TRPM4: variants seen among roughly 807,000 people sequenced by gnomAD.
TRPM4 encodes the protein calcium-activated non-selective cation channel 1.
In TRPM4, 124 loss-of-function variants were observed where a neutral mutation model predicts 135.6. That is an observed-to-expected ratio of 0.91 (90% CI 0.79 to 1.06). The LOEUF (loss-of-function observed/expected upper bound fraction) is 1.06. TRPM4 is among the 50% of genes least tolerant of loss of function. The pLI is 0.00. For missense variants in TRPM4, 1,658 were observed against 1,671.4 expected (o/e 0.99, Z 0.14); for synonymous variants, 745 against 705.6 (o/e 1.06, Z -0.88).
chr19:49,175,944 TAA>T (rs1295548643), intron 9 of TRPM4, among the ~76,000 whole-genome samples: 1 of 91,170 alleles, frequency 1.1e-5, no homozygotes, highest in Admixed American at 1.1e-4. Flanking sequence ...TTTTTTTTTT[TAA>T]AGAGTCTTTG....
chr19:49,200,659 G>T lies in TRPM4; in HGVS notation c.2827G>T (p.Ala943Ser). 1 of 1,613,980 alleles carries T rather than the reference G, an allele frequency of 6.2e-7. No individual in the cohort carries two copies. The highest frequency in any genetic ancestry group is 8.5e-7 in the Non-Finnish European group (1 of 1,180,040). The change falls in exon 19 of 25, where the codon GCC becomes TCC. Residue 943 changes from alanine to serine, a missense_variant. Around this residue, in one of 3 missense-constraint regions of TRPM4, gnomAD observed 1,412 missense variants for 1,408.7 expected, o/e 1.00. Coordinates refer to ENST00000252826, the MANE Select transcript of TRPM4 (RefSeq NM_017636.4). Reference protein sequence around the residue: ...FLFFLGVWLVAYGVATEGLLR... With the variant: ...FLFFLGVWLVSYGVATEGLLR... Reference sequence around the variant, plus strand: ...CTTCTTCCTCGGCGTGTGGCTGGTAGCCTATGGCGTGGCCACGGAGGGGCT... The same window carrying T: ...CTTCTTCCTCGGCGTGTGGCTGGTATCCTATGGCGTGGCCACGGAGGGGCT...
In TRPM4 at chr19:49,200,659, GCCTATGGCGTGGCCA is replaced by G. The variant is rs1033425160; in HGVS notation, c.2829_2843del (p.Tyr944_Thr948del). On this transcript the variant is annotated inframe_deletion, in exon 19 of 25. Coordinates refer to ENST00000252826, the MANE Select transcript of TRPM4 (RefSeq NM_017636.4). ...CTTCTTCCTCGGCGTGTGGCTGGTA[GCCTATGGCGTGGCCA>G]CGGAGGGGCTCCTGAGGCCACGGGA... The G allele has an allele frequency of 4.3e-6, 7 of 1,613,862 alleles. No homozygotes were observed. In the African/African-American group the frequency reaches 9.3e-5, roughly 22 times the overall value.
chr19:49,183,428 G>A (rs919596446), intron 12 of TRPM4, among the ~76,000 whole-genome samples: 2 of 152,092 alleles, frequency 1.3e-5, no homozygotes, highest in Admixed American at 1.3e-4. Flanking sequence ...ACAGAGTCTC[G>A]CTCTGTCGCC....
intron 12 of TRPM4, among the ~76,000 whole-genome samples, chr19:49,185,820 G>A (rs763862732): frequency 4.0e-5 from 6 of 151,288 alleles, no homozygotes; most frequent in Non-Finnish European, 7.4e-5. Context: ...GTGCAATCTC[G>A]GCTCACTGCA....
Position 49,188,642 on chromosome 19 carries a change from G to GAC in TRPM4, c.1745_1746insAC (p.Ser583LeufsTer17). 1.2e-6 allele frequency: 2 copies of GAC among 1,614,144 alleles called. No homozygotes were observed. The highest frequency in any genetic ancestry group is 2.7e-5 in the African/African-American group (2 of 75,026). ...TCCGTGCCCTCTTTGTCTCTCCAGG[G>GAC]TTCCAATGCAGTTTCCTCAGCTCTT... On this transcript the variant is annotated frameshift_variant and splice_region_variant, in exon 13 of 25. Transcript: ENST00000252826. LOFTEE classifies it high-confidence loss of function.
chr19:49,192,567 C>G (rs1175799), intron 16 of TRPM4, among the ~76,000 whole-genome samples: 1 of 152,116 alleles, frequency 6.6e-6, no homozygotes, highest in African/African-American at 2.4e-5. Context: ...CCATAACAAA[C>G]TAACAGGAAC....
chr19:49,172,974 A>G (rs1294425042), intron 9 of TRPM4, among the ~76,000 whole-genome samples: 1 of 146,556 alleles, frequency 6.8e-6, no homozygotes, highest in African/African-American at 2.6e-5. Flanking sequence ...TGTTCCATCC[A>G]TCCATCTTCT....
At chr19:49,202,770 T>C (rs1322226380) in intron 20 of TRPM4, among the ~76,000 whole-genome samples, 1 of 152,162 alleles carries the variant, frequency 6.6e-6, no homozygotes, top group Non-Finnish European at 1.5e-5. Context: ...CCTCAAGTGA[T>C]TGGCCCACCT....
intron 10 of TRPM4, among the ~76,000 whole-genome samples, chr19:49,182,190 A>G (rs1185024219): frequency 2.8e-5 from 4 of 141,592 alleles, no homozygotes; most frequent in African/African-American, 1.1e-4. Context: ...CCATTCATCC[A>G]TACATCCATC....
chr19:49,211,484 C>G lies in TRPM4; in HGVS notation c.3641-10C>G. The G allele has an allele frequency of 6.2e-7, 1 of 1,614,068 alleles. No individual in the cohort carries two copies. Among genetic ancestry groups the G allele is most frequent in the South Asian group, 1.1e-5 (1 of 91,088 alleles). ...CAATCACCTGCTCTCTCTTTTCTCT[C>G]TTCCCCCAGACTGAGCCCTGCTGGC... On this transcript the variant is annotated splice_polypyrimidine_tract_variant and intron_variant, in intron 24 of 24. Transcript: ENST00000252826. This position sits in a 1 kb window ranked among gnomAD's most constrained non-coding sequence, Gnocchi z 4.8.
chr19:49,164,904 AT>A (rs548741187), intron 2 of TRPM4, among the ~76,000 whole-genome samples: 1,744 of 150,308 alleles, frequency 0.012, 45 homozygotes, highest in Admixed American at 0.054. Flanking sequence ...ATTTTATTTT[AT>A]TTTATTTATT....
chr19:49,165,933 G>C, intron 2 of TRPM4, 108 bp from the exon 3 acceptor site: 1 of 1,155,248 alleles, frequency 8.7e-7, no homozygotes, highest in South Asian at 1.4e-5. Flanking sequence ...TGCCTCTGTG[G>C]GTGTGGACTC....
chr19:49,176,121 G>T (rs941261471), intron 9 of TRPM4, among the ~76,000 whole-genome samples: 1 of 145,934 alleles, frequency 6.9e-6, no homozygotes, highest in Admixed American at 7.0e-5. Flanking sequence ...ACAGGGTTTC[G>T]CCATGTTGGC....
Position 49,210,148 on chromosome 19 carries a change from T to G in TRPM4, c.3132-61T>G. 1 of 1,554,492 alleles carries G rather than the reference T, an allele frequency of 6.4e-7. No homozygotes were observed. The highest frequency in any genetic ancestry group is 8.9e-7 in the Non-Finnish European group (1 of 1,125,632). On this transcript the variant is annotated intron_variant, in intron 20 of 24. Coordinates refer to ENST00000252826, the MANE Select transcript of TRPM4 (RefSeq NM_017636.4). The surrounding 1 kb of genome is among the most constrained non-coding windows in gnomAD (Gnocchi z 4.1). ...AACAATTATTGCCTGGCATCTAACC[T>G]TCGTCCTTGCCCCTGGCTGGGCCCT...
At chr19:49,183,769 C>G (rs923784107) in intron 12 of TRPM4, among the ~76,000 whole-genome samples, 5 of 109,034 alleles carry the variant, frequency 4.6e-5, no homozygotes, top group Admixed American at 8.9e-5. Flanking sequence ...ATTTCTTTTT[C>G]TTTTTCTTTT....
At chr19:49,182,343 T>G (rs1161552505) in intron 10 of TRPM4, among the ~76,000 whole-genome samples, 2 of 148,226 alleles carry the variant, frequency 1.3e-5, no homozygotes, top group African/African-American at 5.2e-5. Flanking sequence ...TGTCCATCCA[T>G]CCATCCCTCT....
At chr19:49,208,119 C>T (rs113596700) in intron 20 of TRPM4, among the ~76,000 whole-genome samples, 1,730 of 137,010 alleles carry the variant, frequency 0.013, 36 homozygotes, top group Middle Eastern at 0.083. Flanking sequence ...AGATCAAAGA[C>T]TTTAATACTT....
At chr19:49,175,067 C>CTTTTTTTTTTTTTTTTTTTTTTTTT (rs772062913) in intron 9 of TRPM4, among the ~76,000 whole-genome samples, 9 of 77,582 alleles carry the variant, frequency 1.2e-4, no homozygotes, top group East Asian at 4.2e-4. Flanking sequence ...TCATGCCTGG[C>CTTTTTTTTTTTTTTTTTTTTTTTTT]TTTTTTTTTT....
chr19:49,200,537 G>T lies in TRPM4; in HGVS notation c.2779-74G>T. On this transcript the variant is annotated intron_variant, in intron 18 of 24. Transcript: ENST00000252826. ...GGGCGTGACTTTGGGGAGCAATGGG[G>T]CGTGTTTTTGGGATATAGGGGTGGG... is the stretch of plus-strand genomic sequence containing the variant. 3 of 1,596,802 alleles carry T rather than the reference G, an allele frequency of 1.9e-6. No homozygotes were observed. The South Asian group carries it at 3.3e-5, about 18-fold the overall frequency.
Sources: allele counts gnomAD v4.1 joint callset (sites outside exome capture counted in the v4.1 genomes callset), GRCh38; gene constraint gnomAD v4.1.1; regional missense constraint gnomAD v4.1.1; non-coding constraint Gnocchi (gnomAD v3.1); transcripts MANE v1.5; gene names NCBI Gene and HGNC (gene_info 2026-07-23, HGNC 2026-07-21).